Variants in A2M observed in about 807,000 individuals in gnomAD.
A2M encodes C3 and PZP-like alpha-2-macroglobulin domain-containing protein 5.
In A2M, 128 loss-of-function variants were observed where a neutral mutation model predicts 183.9. That is an observed-to-expected ratio of 0.70 (90% CI 0.60 to 0.81). A2M has a LOEUF of 0.81. Ranked by LOEUF, A2M falls within the 30% of genes least tolerant of loss-of-function variation. A2M has a pLI of 0.00. For missense variants in A2M, 1,495 were observed against 1,787.6 expected, an observed-to-expected ratio of 0.84 and a Z score of 2.95; for synonymous variants, 592 against 670.8, an observed-to-expected ratio of 0.88 and a Z score of 1.81.
intron 20 of A2M, 43 bp downstream of exon 20, chr12:9,090,313 C>T (rs1592358751): frequency 1.2e-6 from 2 of 1,613,382 alleles, no homozygotes; most frequent in South Asian, 1.1e-5. Context: ...CTGCCATATA[C>T]AATCTTTGAG....
intron 25 of A2M, among the ~76,000 whole-genome samples, chr12:9,078,846 C>T (rs1948823404): frequency 2.0e-5 from 3 of 152,102 alleles, no homozygotes; most frequent in Admixed American, 2.0e-4. Context: ...ATTGTTTCCT[C>T]TTATTAATGA....
At chr12:9,086,194 A>G (rs1156889755) in intron 22 of A2M, among the ~76,000 whole-genome samples, 6 of 152,186 alleles carry the variant, frequency 3.9e-5, no homozygotes, top group African/African-American at 1.4e-4. Flanking sequence ...ATTACAAAAA[A>G]GAATTACAGA....
In A2M at chr12:9,068,761, C is replaced by G; in HGVS notation, c.4345G>C (p.Val1449Leu). The G allele has an allele frequency of 6.2e-7, 1 of 1,606,740 alleles. No individual in the cohort carries two copies. The highest frequency in any genetic ancestry group is 8.5e-7 in the Non-Finnish European group (1 of 1,176,346). Residue 1449 changes from valine to leucine, a missense_variant, in exon 34 of 36, where the codon GTC (valine) becomes CTC (leucine). Coordinates refer to ENST00000318602, the MANE Select transcript of A2M (RefSeq NM_000014.6). Reference protein sequence around the residue: ...VRDLKPAIVKVYDYYETDEFA... With the variant: ...VRDLKPAIVKLYDYYETDEFA... ...TCACCCGTCTCGTAGTAATCATAGA[C>G]TTTCACTATGGCTGGTTTCAGATCT...
At chr12:9,097,357 T>TAGAAAA (rs1237300864) in intron 15 of A2M, among the ~76,000 whole-genome samples, 2 of 152,116 alleles carry the variant, frequency 1.3e-5, no homozygotes, top group African/African-American at 4.8e-5. Context: ...AGAAAAAGCT[T>TAGAAAA]CAGTAAGAGG....
At chr12:9,113,939 A>G (rs1301660223) in intron 1 of A2M, among the ~76,000 whole-genome samples, 3 of 152,248 alleles carry the variant, frequency 2.0e-5, no homozygotes, top group African/African-American at 4.8e-5. Flanking sequence ...TAATCAAATT[A>G]TAGAATTTTC....
intron 1 of A2M, 135 bp from the exon 2 acceptor site, chr12:9,113,678 G>A: frequency 1.3e-6 from 1 of 795,736 alleles, no homozygotes; most frequent in Non-Finnish European, 2.0e-6. Context: ...CATGAAATTT[G>A]GCCGTTGAAG....
At position 9,113,341 on chromosome 12, in the gene A2M, GTCAAACAGCCACAC is replaced by G; in HGVS notation, c.270+5_270+18del. Reference sequence around the variant, plus strand: ...TGACTAAAAGAACCAAGTATATTAAGTCAAACAGCCACACTCACAGCGAAGGCGACACAGTGGAG... The same window carrying G: ...TGACTAAAAGAACCAAGTATATTAAGTCACAGCGAAGGCGACACAGTGGAG... On this transcript the variant is annotated splice_donor_5th_base_variant and intron_variant, in intron 2 of 35. Coordinates refer to ENST00000318602, the MANE Select transcript of A2M (RefSeq NM_000014.6). 6.2e-7 allele frequency: 1 copy of G among 1,611,300 alleles called. No homozygotes were observed. Among genetic ancestry groups the G allele is most frequent in the Non-Finnish European group, 8.5e-7 (1 of 1,178,962 alleles).
intron 18 of A2M, among the ~76,000 whole-genome samples, chr12:9,093,203 G>A (rs1274407169): frequency 6.6e-6 from 1 of 152,150 alleles, no homozygotes; most frequent in African/African-American, 2.4e-5. Flanking sequence ...TACTGTATTG[G>A]ATACTGAAAC....
At chr12:9,084,895 A>G (rs1365462519) in intron 22 of A2M, among the ~76,000 whole-genome samples, 9 of 152,158 alleles carry the variant, frequency 5.9e-5, no homozygotes, top group Admixed American at 5.9e-4. Flanking sequence ...TATATTCAAC[A>G]AAACAGACTT....
intron 1 of A2M, among the ~76,000 whole-genome samples, chr12:9,114,415 G>T (rs1259922543): frequency 6.6e-6 from 1 of 151,918 alleles, no homozygotes; most frequent in Non-Finnish European, 1.5e-5. Context: ...TATTATTTTT[G>T]ATGATATTTT....
At chr12:9,113,312 A>T in intron 2 of A2M, 48 bp downstream of exon 2, 1 of 1,594,086 alleles carries the variant, frequency 6.3e-7, no homozygotes, top group Non-Finnish European at 8.6e-7. Context: ...GATCCCTATG[A>T]CCCTGACTAA....
intron 32 of A2M, 56 bp downstream of exon 32, chr12:9,070,432 G>T: frequency 8.7e-7 from 1 of 1,150,734 alleles, no homozygotes; most frequent in East Asian, 2.4e-5. Context: ...GTCTTATGCT[G>T]GGGATACATA....
chr12:9,098,883 A>G, intron 14 of A2M, 127 bp from the exon 15 acceptor site: 1 of 1,007,160 alleles, frequency 9.9e-7, no homozygotes, highest in Non-Finnish European at 1.4e-6. Flanking sequence ...GAGGGTTGGC[A>G]TTGTGTCAAT....
intron 19 of A2M, among the ~76,000 whole-genome samples, chr12:9,090,894 AG>A (rs1430165664): frequency 6.6e-6 from 1 of 152,204 alleles, no homozygotes; most frequent in Non-Finnish European, 1.5e-5. Flanking sequence ...AGCTACGAAA[AG>A]TTAAATATAT....
intron 15 of A2M, among the ~76,000 whole-genome samples, chr12:9,096,056 G>T (rs1394292270): frequency 6.6e-6 from 1 of 152,162 alleles, no homozygotes; most frequent in African/African-American, 2.4e-5. Context: ...ACCGCGCCCG[G>T]CCTTTGTGAC....
intron 29 of A2M, among the ~76,000 whole-genome samples, chr12:9,073,436 T>C (rs1948641207): frequency 1.3e-5 from 2 of 152,238 alleles, no homozygotes; most frequent in South Asian, 4.1e-4. Context: ...TATTGGATGA[T>C]TTCCTGTTCC....
In A2M at chr12:9,074,707, A is replaced by T. The variant is rs1948685733; in HGVS notation, c.3609T>A (p.Ser1203=). 6.2e-7 allele frequency: 1 copy of T among 1,614,050 alleles called. No homozygotes were observed. Among genetic ancestry groups the T allele is most frequent in the South Asian group, 1.1e-5 (1 of 91,008 alleles). ...VGHFYEPQAP[S]AEVEMTSYVL... is the part of the protein sequence containing the mutation. ...CATAGGATGTCATCTCCACCTCAGCAGAGGGAGCCTGGGGTTCGTAAAAAT... is the reference window on the plus strand; with the variant it reads ...CATAGGATGTCATCTCCACCTCAGCTGAGGGAGCCTGGGGTTCGTAAAAAT... The change falls in exon 29 of 36, where the codon TCT becomes TCA. Residue 1203 remains serine, a synonymous_variant. Coordinates refer to ENST00000318602, the MANE Select transcript of A2M (RefSeq NM_000014.6).
chr12:9,073,421 C>T (rs1948640479), intron 29 of A2M, among the ~76,000 whole-genome samples: 1 of 152,154 alleles, frequency 6.6e-6, no homozygotes, highest in Non-Finnish European at 1.5e-5. Flanking sequence ...TTGGCTTTCC[C>T]TTTTTATTGG....
upstream of A2M, chr12:9,115,980 C>T (rs758474261): frequency 9.3e-6 from 7 of 750,748 alleles, no homozygotes; most frequent in East Asian, 2.7e-5. Context: ...AAGTTCCACC[C>T]ACACAAGATC....
Sources: allele counts gnomAD v4.1 joint callset (sites outside exome capture counted in the v4.1 genomes callset), GRCh38; gene constraint gnomAD v4.1.1; transcripts MANE v1.5; gene names NCBI Gene and HGNC (gene_info 2026-07-23, HGNC 2026-07-21).